The following P3H2 variants were observed in gnomAD, a reference collection of about 807,000 sequenced individuals.
P3H2 encodes prolyl 3-hydroxylase 2, also known as leprecan-like 1.
Under a neutral mutation model 87.0 loss-of-function variants are expected in P3H2, and 80 were observed. That is an observed-to-expected ratio of 0.92 (90% CI 0.77 to 1.11). P3H2 has a LOEUF of 1.11. Among genes scored for constraint, P3H2 ranks in the 50% least tolerant of loss-of-function variants. The pLI is 0.00. For missense variants in P3H2, 1,001 were observed against 923.9 expected, an observed-to-expected ratio of 1.08 and a Z score of -1.08; for synonymous variants, 367 against 359.3, an observed-to-expected ratio of 1.02 and a Z score of -0.24.
intron 1 of P3H2, among the ~76,000 whole-genome samples, chr3:190,032,667 C>T (rs1219195547): frequency 6.6e-6 from 1 of 152,140 alleles, no homozygotes; most frequent in Non-Finnish European, 1.5e-5. Flanking sequence ...ACTATTTCCT[C>T]CTAGAAACTT....
At chr3:189,992,134 G>C (rs1380605525) in intron 3 of P3H2, among the ~76,000 whole-genome samples, 25 of 152,118 alleles carry the variant, frequency 1.6e-4, no homozygotes, top group Admixed American at 1.6e-3. Context: ...CGCTCTTATT[G>C]CCTAGGCTGG....
chr3:189,964,810 G>C (rs543960370), intron 13 of P3H2, among the ~76,000 whole-genome samples: 1 of 152,334 alleles, frequency 6.6e-6, no homozygotes, highest in Admixed American at 6.5e-5. Context: ...GCACTGCTCA[G>C]GTGGAGCTGT....
At chr3:190,100,247 G>GC (rs1711569451) in intron 1 of P3H2, among the ~76,000 whole-genome samples, 3 of 34,234 alleles carry the variant, frequency 8.8e-5, no homozygotes, top group Admixed American at 2.5e-4. Context: ...CGCCCCCCCC[G>GC]CCGCCCCCCC....
chr3:190,010,336 G>A (rs1033963327), intron 1 of P3H2, among the ~76,000 whole-genome samples: 7 of 152,108 alleles, frequency 4.6e-5, no homozygotes, highest in Admixed American at 2.0e-4. Context: ...CGTGTTTTGC[G>A]CTAAATGGTG....
At chr3:190,115,539 G>C (rs1447232948) in intron 1 of P3H2, among the ~76,000 whole-genome samples, 2 of 151,890 alleles carry the variant, frequency 1.3e-5, no homozygotes, top group Non-Finnish European at 2.9e-5. Context: ...GCATGAAACA[G>C]GTACAATATG....
At chr3:190,077,421 C>T (rs1339801889) in intron 1 of P3H2, among the ~76,000 whole-genome samples, 1 of 152,202 alleles carries the variant, frequency 6.6e-6, no homozygotes, top group Non-Finnish European at 1.5e-5. Flanking sequence ...AGGTCTCCAC[C>T]TCCCTTTCTC....
intron 1 of P3H2, among the ~76,000 whole-genome samples, chr3:190,006,909 C>G (rs1484101293): frequency 6.6e-6 from 1 of 152,086 alleles, no homozygotes; most frequent in African/African-American, 2.4e-5. Flanking sequence ...ATCTTTGATA[C>G]TAAGGTGAGT....
chr3:189,992,924 T>G (rs1417651488), intron 3 of P3H2, among the ~76,000 whole-genome samples: 1 of 152,232 alleles, frequency 6.6e-6, no homozygotes, highest in Non-Finnish European at 1.5e-5. Flanking sequence ...CAATACTTTC[T>G]ATTTGTGTTT....
At chr3:190,029,577 A>G (rs1725189722) in intron 1 of P3H2, among the ~76,000 whole-genome samples, 1 of 152,188 alleles carries the variant, frequency 6.6e-6, no homozygotes, top group Admixed American at 6.5e-5. Flanking sequence ...CATGCTTAAT[A>G]ATTAAATATT....
rs906088008 is a variant in P3H2 at position 189,973,246 on chromosome 3, C to A, written c.1549-222G>T. On this transcript the variant is annotated intron_variant, in intron 10 of 14. Transcript: ENST00000319332. ...CTAAAAGCTACTTGGTTCCTCTTCT[C>A]TTCTATTATAATATGTTCTACCATC... The A allele has an allele frequency of 5.5e-6, 3 of 545,714 alleles. No homozygotes were observed. The African/African-American group carries it at 5.7e-5, about 10-fold the overall frequency. 33.8% of individuals were successfully genotyped at this position (545,714 alleles called of 1,614,324 possible).
intron 1 of P3H2, among the ~76,000 whole-genome samples, chr3:190,095,817 T>TG (rs997749689): frequency 7.9e-5 from 12 of 152,082 alleles, no homozygotes; most frequent in African/African-American, 2.9e-4. Context: ...TTAGCCAGGA[T>TG]GGTCTCGATC....
chr3:190,035,577 T>C (rs1009147368), intron 1 of P3H2, among the ~76,000 whole-genome samples: 1 of 152,192 alleles, frequency 6.6e-6, no homozygotes, highest in African/African-American at 2.4e-5. Context: ...CCAGCTATGA[T>C]GTATATAGCA....
rs142744903 is a variant in P3H2, at chr3:190,089,334, G to A, written c.480+30918C>T. Reference sequence around the variant, plus strand: ...GTATACATATGTAACAAACCTGCACGTTGTGCACATGTACGCTACAACTTA... The same window carrying A: ...GTATACATATGTAACAAACCTGCACATTGTGCACATGTACGCTACAACTTA... On this transcript the variant is annotated intron_variant, in intron 1 of 14. Coordinates refer to ENST00000319332, the MANE Select transcript of P3H2 (RefSeq NM_018192.4). 6.9e-3 allele frequency among the ~76,000 whole-genome samples: 1,057 copies of A among 152,270 alleles called. 7 individuals are homozygous for A. The highest frequency in any genetic ancestry group is 0.027 in the Middle Eastern group (8 of 294).
intron 1 of P3H2, among the ~76,000 whole-genome samples, chr3:190,017,728 T>A (rs149695658): frequency 6.6e-6 from 1 of 151,636 alleles, no homozygotes; most frequent in Non-Finnish European, 1.5e-5. Flanking sequence ...AGCAAACACT[T>A]TGTTTGTGGA....
At chr3:190,100,180 G>T (rs1040285424) in intron 1 of P3H2, among the ~76,000 whole-genome samples, 17 of 151,194 alleles carry the variant, frequency 1.1e-4, no homozygotes, top group Admixed American at 5.3e-4. Context: ...GTTGCAGTGA[G>T]CCAAGATCAC....
rs16864908 is a variant in P3H2, at chr3:189,961,631, G to A, written c.2034+2327C>T. On this transcript the variant is annotated intron_variant, in intron 14 of 14. Transcript: ENST00000319332. ...AACACAGATGTTAGTAGTTTGTAAC[G>A]ATCAATAGATGATCTCCACGTGTAG... Among the ~76,000 whole-genome samples, 2,612 of 152,234 alleles carry A rather than the reference G, an allele frequency of 0.017. 289 individuals carry two copies. The East Asian group carries it at 0.32, about 18-fold the overall frequency.
chr3:190,002,307 C>T (rs1429197922), intron 1 of P3H2, among the ~76,000 whole-genome samples: 2 of 152,088 alleles, frequency 1.3e-5, no homozygotes, highest in Admixed American at 1.3e-4. Context: ...TTCTGTTGCA[C>T]CTTTTGCCTT....
chr3:190,031,006 A>G (rs1229552446), intron 1 of P3H2, among the ~76,000 whole-genome samples: 2 of 152,202 alleles, frequency 1.3e-5, no homozygotes, highest in Non-Finnish European at 2.9e-5. Context: ...CAAGTTATAT[A>G]TTTTTTTAAA....
intron 1 of P3H2, among the ~76,000 whole-genome samples, chr3:190,048,107 C>T (rs1725862193): frequency 1.3e-5 from 2 of 152,178 alleles, no homozygotes; most frequent in Non-Finnish European, 2.9e-5. Context: ...GTTTCACCAA[C>T]ACAACTATCT....
Sources: allele counts gnomAD v4.1 joint callset (sites outside exome capture counted in the v4.1 genomes callset), GRCh38; gene constraint gnomAD v4.1.1; transcripts MANE v1.5; gene names NCBI Gene and HGNC (gene_info 2026-07-23, HGNC 2026-07-21).